CHRNE: variants seen among roughly 807,000 people sequenced by gnomAD.
CHRNE encodes cholinergic receptor nicotinic epsilon subunit, also known as acetylcholine receptor subunit epsilon.
CHRNE carries 58 observed loss-of-function variants against 56.5 expected under a neutral mutation model. The ratio of observed to expected loss-of-function variants is 1.03; its 90% CI spans 0.83 to 1.28. CHRNE has a LOEUF of 1.28. Among genes scored for constraint, CHRNE ranks in the 50% most tolerant of loss-of-function variants. CHRNE has a pLI of 0.00. For missense variants in CHRNE, 793 were observed against 688.9 expected (o/e 1.15, Z -1.69); for synonymous variants, 385 against 297.9 (o/e 1.29, Z -3.01).
At position 4,900,130 on chromosome 17, in the gene CHRNE, C is replaced by T. The variant is rs956028664; in HGVS notation, c.918-548G>A. On this transcript the variant is annotated intron_variant, in intron 8 of 11. Transcript: ENST00000649488. ...CCACAGCCAGCCTCGTGAGCTTCGGCACCACCTTGTTAGAGGTGGGGTACT... is the reference window on the plus strand; with the variant it reads ...CCACAGCCAGCCTCGTGAGCTTCGGTACCACCTTGTTAGAGGTGGGGTACT... The T allele has an allele frequency of 2.6e-6, 4 of 1,550,266 alleles. No individual in the cohort carries two copies. In the South Asian group the frequency reaches 4.8e-5, roughly 18 times the overall value.
intron 8 of CHRNE, chr17:4,900,100 A>AGAAG: frequency 6.4e-7 from 1 of 1,550,760 alleles, no homozygotes; most frequent in Non-Finnish European, 8.7e-7. Flanking sequence ...TGGTGTTGAG[A>AGAAG]GAAGCCACAG....
rs201553105 is a variant in CHRNE at position 4,899,111 on chromosome 17, G to C, written c.1220-4C>G. The C allele has an allele frequency of 1.9e-6, 3 of 1,606,320 alleles. No homozygotes were observed. The highest frequency in any genetic ancestry group is 1.7e-6 in the Non-Finnish European group (2 of 1,178,004). On this transcript the variant is annotated splice_polypyrimidine_tract_variant and splice_region_variant and intron_variant, in intron 10 of 11. Coordinates refer to ENST00000649488, the MANE Select transcript of CHRNE (RefSeq NM_000080.4). Reference sequence around the variant, plus strand: ...CCCAGGCTCTGGCAGAAGGCAGCTGGCGGGGAAAACACCGGGGTGGGCCTT... The same window carrying C: ...CCCAGGCTCTGGCAGAAGGCAGCTGCCGGGGAAAACACCGGGGTGGGCCTT...
rs55681486 is a variant in CHRNE at position 4,899,022 on chromosome 17, T to C, written c.1305A>G (p.Arg435=). ...CCACCTCGCCGGTGGCCTCCTGATCTCTCGTGCTCTCGGCCACGAAGTTCA... is the reference window on the plus strand; with the variant it reads ...CCACCTCGCCGGTGGCCTCCTGATCCCTCGTGCTCTCGGCCACGAAGTTCA... ...DAVNFVAEST[R]DQEATGEEVS... Residue 435 remains arginine (R), a synonymous_variant, in exon 11 of 12, where the codon AGA becomes AGG. Transcript: ENST00000649488. The C allele has an allele frequency of 0.084, 135,822 of 1,607,470 alleles. 6,198 individuals carry two copies. Among genetic ancestry groups the C allele is most frequent in the Non-Finnish European group, 0.092 (108,841 of 1,177,844 alleles).
At chr17:4,904,680 A>G (rs1178234433), upstream of CHRNE, among the ~76,000 whole-genome samples, 1 of 152,216 alleles carries the variant, frequency 6.6e-6, no homozygotes, top group Non-Finnish European at 1.5e-5. Context: ...GAGACTTATC[A>G]ATCAACTCTA....
In CHRNE at chr17:4,900,804, C is replaced by T. The variant is rs374156332; in HGVS notation, c.906G>A (p.Pro302=). 2.4e-5 allele frequency: 38 copies of T among 1,613,574 alleles called. No individual in the cohort carries two copies. The African/African-American group carries it at 4.1e-4, about 18-fold the overall frequency. The change falls in exon 8 of 12, where the codon CCG becomes CCA. Residue 302 remains proline (P), a synonymous_variant. Coordinates refer to ENST00000649488, the MANE Select transcript of CHRNE (RefSeq NM_000080.4). ...GGCTCCGGCTTCACCTGCCCAGGAG[C>T]GGCACGCTCAGAGAAGTCTCTGGGA... ...QKIPETSLSV[P]LLGRFLIFVM...
chr17:4,904,865 C>T (rs1970072002), upstream of CHRNE, among the ~76,000 whole-genome samples: 1 of 152,168 alleles, frequency 6.6e-6, no homozygotes, highest in Non-Finnish European at 1.5e-5. Flanking sequence ...TGTGTAAAGC[C>T]TCTGTTTCCA....
chr17:4,900,922 AGT>A lies in CHRNE; in HGVS notation c.803-17_803-16del. The stretch of plus-strand genomic sequence containing the variant: ...CTGGCCGCCGGCTGGAGGGAGAGCC[AGT>A]GAGAGCGGGCCCCGCCTCCCGGGAG... On this transcript the variant is annotated splice_polypyrimidine_tract_variant and intron_variant, in intron 7 of 11. Transcript: ENST00000649488. 1 of 1,614,126 alleles carries A rather than the reference AGT, an allele frequency of 6.2e-7. No individual in the cohort carries two copies. Among genetic ancestry groups the A allele is most frequent in the Non-Finnish European group, 8.5e-7 (1 of 1,179,972 alleles).
chr17:4,899,641 C>T (rs1969889458), intron 8 of CHRNE, 59 bp from the exon 9 acceptor site: 2 of 1,465,790 alleles, frequency 1.4e-6, no homozygotes, highest in Non-Finnish European at 1.9e-6. Flanking sequence ...GAAGGCGCCG[C>T]GCGCTGACCT....
At position 4,898,795 on chromosome 17, in the gene CHRNE, G is replaced by A; in HGVS notation, c.1423C>T (p.Leu475Phe). The A allele has an allele frequency of 6.2e-7, 1 of 1,608,450 alleles. No individual in the cohort carries two copies. The highest frequency in any genetic ancestry group is 2.2e-5 in the East Asian group (1 of 44,682). Residue 475 changes from leucine (L) to phenylalanine (F), a missense_variant, in exon 12 of 12, where the codon CTC becomes TTC. Transcript: ENST00000649488. ...LFSVGSSLIF[L>F]GAYFNRVPDL... The stretch of plus-strand genomic sequence containing the variant: ...GGCACTCGGTTGAAGTAGGCCCCGA[G>A]GAAGATGAGGCTGGAGCCCACGCTG...
At position 4,902,402 on chromosome 17, in the gene CHRNE, A is replaced by G; in HGVS notation, c.234+48T>C. ...CTGCCTGGGAGGGGTTTGGGGGAAAAGGGGTGCCCTGGACAAGACCTCACA... is the reference window on the plus strand; with the variant it reads ...CTGCCTGGGAGGGGTTTGGGGGAAAGGGGGTGCCCTGGACAAGACCTCACA... On this transcript the variant is annotated intron_variant, in intron 3 of 11. Transcript: ENST00000649488. The surrounding 1 kb of genome is among the most constrained non-coding windows in gnomAD (Gnocchi z 4.0). The G allele has an allele frequency of 6.2e-7, 1 of 1,613,580 alleles. No homozygotes were observed. Among genetic ancestry groups the G allele is most frequent in the Non-Finnish European group, 8.5e-7 (1 of 1,179,534 alleles).
chr17:4,898,510 G>A lies in CHRNE; in HGVS notation c.*226C>T. The A allele has an allele frequency of 1.6e-6, 1 of 606,664 alleles. No homozygotes were observed. Among genetic ancestry groups the A allele is most frequent in the Non-Finnish European group, 2.9e-6 (1 of 343,870 alleles). The allele number at this position is 606,664 out of a possible 1,614,324, so 37.6% of individuals were successfully genotyped here. On this transcript the variant is annotated 3_prime_UTR_variant, in exon 12 of 12. Transcript: ENST00000649488. ...AATGAAGGGCAGTCCTTGCTTTCTG[G>A]AAGACTGGCACCTGAGAGCCTATGT...
At chr17:4,901,491 G>C (rs1969982613) in intron 6 of CHRNE, 34 bp downstream of exon 6, 1 of 1,597,464 alleles carries the variant, frequency 6.3e-7, no homozygotes, top group African/African-American at 1.3e-5. Context: ...ACCCCGTCTA[G>C]AAGCGGGTTT....
chr17:4,900,096 TGA>T, intron 8 of CHRNE: 20 of 1,550,778 alleles, frequency 1.3e-5, no homozygotes, highest in Non-Finnish European at 1.7e-5. Flanking sequence ...GGGCTGGTGT[TGA>T]GAGAAGCCAC....
In CHRNE at chr17:4,902,996, C is replaced by T. The variant is rs1970037858; in HGVS notation, c.46+22G>A. On this transcript the variant is annotated intron_variant, in intron 1 of 11. Transcript: ENST00000649488. The surrounding 1 kb of genome is among the most constrained non-coding windows in gnomAD (Gnocchi z 4.0). ...GTCAGTATCTGTGTGTGTCCAATTG[C>T]CCCTCTAGCCCCTGTCCGTACCGAG... is the stretch of plus-strand genomic sequence containing the variant. The T allele has an allele frequency of 1.2e-6, 2 of 1,614,002 alleles. No individual in the cohort carries two copies. The highest frequency in any genetic ancestry group is 1.7e-6 in the Non-Finnish European group (2 of 1,179,960).
intron 6 of CHRNE, 127 bp from the exon 7 acceptor site, chr17:4,901,317 G>A: frequency 8.3e-6 from 9 of 1,083,840 alleles, no homozygotes; most frequent in East Asian, 2.5e-5. Context: ...GGCAATTACG[G>A]ACAGAAAAGG....
Position 4,900,998 on chromosome 17 carries a change from G to A in CHRNE, c.794C>T (p.Pro265Leu), listed in dbSNP as rs759226183. 3.1e-5 allele frequency: 50 copies of A among 1,613,892 alleles called. No individual in the cohort carries two copies. Among genetic ancestry groups the A allele is most frequent in the Admixed American group, 6.7e-5 (4 of 60,028 alleles). Reference sequence around the variant, plus strand: ...TCGGGGCCACTGCTTACCCTGCGCCGGCAGGAAGTAGGCGAGCAGCACCAG... The same window carrying A: ...TCGGGGCCACTGCTTACCCTGCGCCAGCAGGAAGTAGGCGAGCAGCACCAG... ...SGLVLLAYFLPAQAGGQKCTV... is the reference protein window; with the variant it reads ...SGLVLLAYFLLAQAGGQKCTV... The change falls in exon 7 of 12, where the codon CCG becomes CTG. Residue 265 changes from proline to leucine, a missense_variant. Physicochemically the swap from Pro to Leu is moderately conservative, Grantham distance 98. Coordinates refer to ENST00000649488, the MANE Select transcript of CHRNE (RefSeq NM_000080.4).
intron 8 of CHRNE, 126 bp from the exon 9 acceptor site, chr17:4,899,708 CACG>C (rs1393263553): frequency 1.7e-5 from 25 of 1,509,820 alleles, no homozygotes; most frequent in African/African-American, 9.7e-5. Flanking sequence ...GCGCCCCCTA[CACG>C]ACGACAGACG....
chr17:4,906,551 T>C (rs1481781297), upstream of CHRNE, among the ~76,000 whole-genome samples: 1 of 152,068 alleles, frequency 6.6e-6, no homozygotes, highest in Admixed American at 6.6e-5. Context: ...CTTCTCAAAA[T>C]AAGACACACA....
upstream of CHRNE, among the ~76,000 whole-genome samples, chr17:4,907,590 A>AAAAAAAAAAAAT (rs386627263): frequency 1.6e-5 from 2 of 124,918 alleles, no homozygotes; most frequent in Admixed American, 1.6e-4. Context: ...AAAAAAAAAA[A>AAAAAAAAAAAAT]CACTCTCAGC....
Sources: allele counts gnomAD v4.1 joint callset (sites outside exome capture counted in the v4.1 genomes callset), GRCh38; gene constraint gnomAD v4.1.1; non-coding constraint Gnocchi (gnomAD v3.1); transcripts MANE v1.5; gene names NCBI Gene and HGNC (gene_info 2026-07-23, HGNC 2026-07-21).